Variants in OC90 observed in about 807,000 individuals in gnomAD.
The protein encoded by OC90 is otoconin-90.
Under a neutral mutation model 47.3 loss-of-function variants are expected in OC90, and 46 were observed. That is an observed-to-expected ratio of 0.97 (90% CI 0.77 to 1.24). OC90 has a LOEUF of 1.24. Among genes scored for constraint, OC90 ranks in the 50% most tolerant of loss-of-function variants. The pLI is 0.00. For missense variants in OC90, 688 were observed against 583.9 expected, an observed-to-expected ratio of 1.18 and a Z score of -1.84; for synonymous variants, 271 against 219.5, an observed-to-expected ratio of 1.23 and a Z score of -2.07.
At chr8:132,026,764 C>T (rs1822764872) in intron 13 of OC90, among the ~76,000 whole-genome samples, 1 of 152,178 alleles carries the variant, frequency 6.6e-6, no homozygotes, top group Non-Finnish European at 1.5e-5. Flanking sequence ...ATGATTGCAT[C>T]ATGTGACAAC....
At chr8:132,056,011 T>G (rs1422378176) in intron 1 of OC90, among the ~76,000 whole-genome samples, 2 of 152,236 alleles carry the variant, frequency 1.3e-5, no homozygotes, top group Admixed American at 1.3e-4. Context: ...CTTGTGCATA[T>G]TCTGCTTTTA....
Position 132,041,222 on chromosome 8 carries a change from A to G in OC90, c.345-66T>C, listed in dbSNP as rs1054672043. 3.1e-6 allele frequency: 3 copies of G among 978,094 alleles called. No homozygotes were observed. In the African/African-American group the frequency reaches 4.8e-5, roughly 16 times the overall value. The allele number at this position is 978,094 out of a possible 1,614,324, so 60.6% of individuals were successfully genotyped here. The stretch of plus-strand genomic sequence containing the variant: ...TAGAGTGAGGGAGGGCAGGCAGCTC[A>G]TGATCTTTCTGTGTCTCTGGATGGA... On this transcript the variant is annotated intron_variant, in intron 5 of 13. Coordinates refer to ENST00000254627, the MANE Select transcript of OC90 (RefSeq NM_001080399.3).
At chr8:132,028,623 AAGG>A (rs1185707996) in intron 13 of OC90, among the ~76,000 whole-genome samples, 9 of 104,292 alleles carry the variant, frequency 8.6e-5, no homozygotes, top group Non-Finnish European at 1.5e-4. Context: ...AGGAGGAAGG[AAGG>A]AAGGAAGGAA....
intron 2 of OC90, among the ~76,000 whole-genome samples, chr8:132,053,484 C>G (rs1823243967): frequency 1.3e-5 from 2 of 152,172 alleles, no homozygotes; most frequent in Non-Finnish European, 2.9e-5. Flanking sequence ...ATCTTAGTCT[C>G]ACAAACTTGA....
intron 13 of OC90, among the ~76,000 whole-genome samples, chr8:132,028,534 G>GAAAT (rs1349359236): frequency 5.4e-5 from 1 of 18,392 alleles, no homozygotes; most frequent in African/African-American, 1.3e-4. Context: ...AGAAAAGAAA[G>GAAAT]AAAGAAAGAA....
chr8:132,046,508 C>T (rs1229091436), intron 2 of OC90, among the ~76,000 whole-genome samples: 1 of 152,186 alleles, frequency 6.6e-6, no homozygotes, highest in African/African-American at 2.4e-5. Context: ...TGTCCTAGTA[C>T]TACCAGTACC....
rs761404129 is a variant in OC90, at chr8:132,024,436, G to A, written c.*45C>T. On this transcript the variant is annotated 3_prime_UTR_variant, in exon 14 of 14. Transcript: ENST00000254627. ...TGAGAGATAAAGAGCTGAAGGTGGA[G>A]CAGGAGCCACGCTACTGAAGGTGTT... 7 of 1,409,854 alleles carry A rather than the reference G, an allele frequency of 5.0e-6. No homozygotes were observed. Among genetic ancestry groups the A allele is most frequent in the South Asian group, 4.2e-5 (3 of 72,030 alleles). The allele number at this position is 1,409,854 out of a possible 1,614,324, so 87.3% of individuals were successfully genotyped here.
chr8:132,044,462 T>A lies in OC90; in HGVS notation c.140A>T (p.Lys47Ile). 6.4e-7 allele frequency: 1 copy of A among 1,559,390 alleles called. No individual in the cohort carries two copies. The highest frequency in any genetic ancestry group is 8.7e-7 in the Non-Finnish European group (1 of 1,145,330). The change falls in exon 4 of 14, where the codon AAA becomes ATA. Residue 47 changes from lysine (K) to isoleucine (I), a missense_variant. By Grantham distance (102) the Lys-to-Ile change is moderately radical (BLOSUM62 -3). Coordinates refer to ENST00000254627, the MANE Select transcript of OC90 (RefSeq NM_001080399.3). ...AATTTCAGCCACACTTTCCACATTT[T>A]TAAACATCCCACTGAAGAAAGTGAT... ...INITFFSGMFKNVESVAEIFD... is the reference protein window; with the variant it reads ...INITFFSGMFINVESVAEIFD...
chr8:132,032,099 C>T, intron 11 of OC90, 47 bp from the exon 12 acceptor site: 1 of 1,576,780 alleles, frequency 6.3e-7, no homozygotes, highest in African/African-American at 1.3e-5. Context: ...GTCGGGGCAG[C>T]TGTCTCAACA....
chr8:132,034,823 C>A lies in OC90; in HGVS notation c.691G>T (p.Asp231Tyr). The change falls in exon 10 of 14, where the codon GAT (aspartate) becomes TAT (tyrosine). Residue 231 changes from aspartate (D) to tyrosine (Y), a missense_variant. Coordinates refer to ENST00000254627, the MANE Select transcript of OC90 (RefSeq NM_001080399.3). ...TALSGEEAGH[D>Y]QEGVGAARAT... ...CTAGCAGCTCCCACTCCTTCCTGAT[C>A]GTGGCCTGCTTCTGTTCCCCAAAGA... is the stretch of plus-strand genomic sequence containing the variant. 3 of 1,612,882 alleles carry A rather than the reference C, an allele frequency of 1.9e-6. No individual in the cohort carries two copies. The highest frequency in any genetic ancestry group is 2.2e-5 in the South Asian group (2 of 90,836).
At chr8:132,028,998 T>A in intron 13 of OC90, 75 bp downstream of exon 13, 1 of 1,014,190 alleles carries the variant, frequency 9.9e-7, no homozygotes, top group Non-Finnish European at 1.6e-6. Flanking sequence ...TGGGAAACCA[T>A]CCACAAGTCT....
intron 4 of OC90, among the ~76,000 whole-genome samples, chr8:132,042,302 T>C (rs1370413609): frequency 2.0e-5 from 3 of 152,170 alleles, no homozygotes; most frequent in African/African-American, 7.2e-5. Context: ...GATACCTGTG[T>C]TGAGCTACCA....
At chr8:132,048,598 C>T (rs552084481) in intron 2 of OC90, among the ~76,000 whole-genome samples, 13 of 151,576 alleles carry the variant, frequency 8.6e-5, no homozygotes, top group Non-Finnish European at 1.9e-4. Flanking sequence ...CCCTTAGCCA[C>T]ACTCTGCACC....
At chr8:132,027,566 A>G (rs1822778121) in intron 13 of OC90, among the ~76,000 whole-genome samples, 1 of 152,258 alleles carries the variant, frequency 6.6e-6, no homozygotes, top group Non-Finnish European at 1.5e-5. Context: ...TTTAAACTGC[A>G]AAGCATAAGG....
chr8:132,032,091 C>T (rs1446756061), intron 11 of OC90, 39 bp from the exon 12 acceptor site: 13 of 1,592,896 alleles, frequency 8.2e-6, no homozygotes, highest in South Asian at 2.3e-5. Context: ...CAAGGACTGT[C>T]GGGGCAGCTG....
At chr8:132,052,510 T>A (rs926155045) in intron 2 of OC90, among the ~76,000 whole-genome samples, 1 of 152,194 alleles carries the variant, frequency 6.6e-6, no homozygotes, top group Non-Finnish European at 1.5e-5. Flanking sequence ...TACCTATAGA[T>A]GTTAATAAGG....
chr8:132,028,525 GAAAAGAAAGAAAGAAAGAAAGAAA>G, intron 13 of OC90, among the ~76,000 whole-genome samples: 1 of 61,748 alleles, frequency 1.6e-5, no homozygotes, highest in East Asian at 4.2e-4. Flanking sequence ...AAGAAAGAAA[GAAAAGAAAGAAAGAAAGAAAGAAA>G]GAAAGAAAGA....
intron 13 of OC90, among the ~76,000 whole-genome samples, chr8:132,026,870 G>T (rs1409965814): frequency 6.6e-6 from 1 of 152,104 alleles, no homozygotes; most frequent in African/African-American, 2.4e-5. Flanking sequence ...CTCATGATCT[G>T]GCACCTGTCT....
chr8:132,028,250 T>C (rs897965257), intron 13 of OC90, among the ~76,000 whole-genome samples: 2 of 152,060 alleles, frequency 1.3e-5, no homozygotes, highest in Non-Finnish European at 2.9e-5. Flanking sequence ...ATGCCTGTAA[T>C]CATAGCACTT....
Sources: allele counts gnomAD v4.1 joint callset (sites outside exome capture counted in the v4.1 genomes callset), GRCh38; gene constraint gnomAD v4.1.1; transcripts MANE v1.5; gene names NCBI Gene and HGNC (gene_info 2026-07-23, HGNC 2026-07-21).